The following LBH variants were observed in gnomAD, a reference collection of about 807,000 sequenced individuals.
LBH encodes the protein LBH regulator of Wnt signaling pathway, also known as protein LBH.
In LBH, 7 loss-of-function variants were observed where a neutral mutation model predicts 12.5. The ratio of observed to expected loss-of-function variants is 0.56; its 90% CI spans 0.32 to 1.05. LBH has a LOEUF of 1.05. Ranked by LOEUF, LBH falls within the 50% of genes least tolerant of loss-of-function variation. LBH has a pLI of 0.04. For missense variants in LBH, 119 were observed against 138.9 expected, an observed-to-expected ratio of 0.86 and a Z score of 0.72; for synonymous variants, 51 against 50.1, an observed-to-expected ratio of 1.02 and a Z score of -0.08.
At chr2:30,257,308 A>T in intron 2 of LBH, 125 bp from the exon 3 acceptor site, 1 of 1,003,676 alleles carries the variant, frequency 1.0e-6, no homozygotes, top group Non-Finnish European at 1.5e-6. Flanking sequence ...CAGCCTCCCG[A>T]GTGCAAAGCA....
At chr2:30,237,348 C>T (rs540988043) in intron 2 of LBH, among the ~76,000 whole-genome samples, 3 of 152,322 alleles carry the variant, frequency 2.0e-5, no homozygotes, top group South Asian at 2.1e-4. Flanking sequence ...GCAGATCTAT[C>T]GAGAGTGAAG....
intron 1 of LBH, among the ~76,000 whole-genome samples, chr2:30,233,387 A>G (rs554838018): frequency 2.6e-4 from 40 of 152,202 alleles, no homozygotes; most frequent in Non-Finnish European, 5.6e-4. Context: ...TTCTAAATCC[A>G]GTGTCATTTC....
At position 30,234,402 on chromosome 2, in the gene LBH, C is replaced by A. The variant is rs1423478421; in HGVS notation, c.27-3C>A. The stretch of plus-strand genomic sequence containing the variant: ...TTGACTTTTGGTCTGGGTTTCTTGG[C>A]AGCCCCGACTATCTGAGATCGGCCA... On this transcript the variant is annotated splice_polypyrimidine_tract_variant and splice_region_variant and intron_variant, in intron 1 of 2. Transcript: ENST00000395323. The A allele has an allele frequency of 1.2e-6, 2 of 1,613,240 alleles. No homozygotes were observed. Among genetic ancestry groups the A allele is most frequent in the Admixed American group, 3.3e-5 (2 of 60,008 alleles).
intron 2 of LBH, among the ~76,000 whole-genome samples, chr2:30,246,799 C>T (rs77558821): frequency 1.6e-5 from 2 of 127,036 alleles, no homozygotes; most frequent in Non-Finnish European, 3.7e-5. Flanking sequence ...TTTCCTTCCT[C>T]ACTCACTCCC....
intron 2 of LBH, among the ~76,000 whole-genome samples, chr2:30,255,715 A>G (rs1341823258): frequency 2.0e-5 from 3 of 152,118 alleles, no homozygotes; most frequent in African/African-American, 7.2e-5. Context: ...GTATCCTCAG[A>G]GCACCACAGA....
At position 30,231,717 on chromosome 2, in the gene LBH, T is replaced by G. The variant is rs1324958796; in HGVS notation, c.-22T>G. 6.3e-7 allele frequency: 1 copy of G among 1,588,446 alleles called. No homozygotes were observed. Among genetic ancestry groups the G allele is most frequent in the Non-Finnish European group, 8.6e-7 (1 of 1,166,952 alleles). ...ACCGTTTTTAAATCACAGGGGCGTG[T>G]GTCAGCCTGCCCTAGGACTTCATGT... On this transcript the variant is annotated 5_prime_UTR_variant, in exon 1 of 3. Transcript: ENST00000395323.
At chr2:30,237,525 C>T (rs1478046681) in intron 2 of LBH, among the ~76,000 whole-genome samples, 6 of 152,174 alleles carry the variant, frequency 3.9e-5, no homozygotes, top group Admixed American at 3.9e-4. Flanking sequence ...CCTGCCCCCA[C>T]CCAAGGTGCC....
chr2:30,233,786 T>G (rs896606633), intron 1 of LBH, among the ~76,000 whole-genome samples: 1 of 152,210 alleles, frequency 6.6e-6, no homozygotes, highest in African/African-American at 2.4e-5. Flanking sequence ...CTGCTGTGTC[T>G]GGGGCTAGAG....
At chr2:30,252,835 G>T (rs1572383832) in intron 2 of LBH, among the ~76,000 whole-genome samples, 1 of 152,238 alleles carries the variant, frequency 6.6e-6, no homozygotes, top group African/African-American at 2.4e-5. Flanking sequence ...AGGGAGGAAG[G>T]TGTAGGGCTG....
chr2:30,254,486 CCAT>C (rs1297740009), intron 2 of LBH, among the ~76,000 whole-genome samples: 1 of 152,108 alleles, frequency 6.6e-6, no homozygotes, highest in Non-Finnish European at 1.5e-5. Flanking sequence ...AAAATTTCAT[CCAT>C]CATCATCATC....
intron 1 of LBH, 149 bp downstream of exon 1, chr2:30,231,913 C>A (rs535718544): frequency 1.9e-6 from 1 of 538,718 alleles, no homozygotes; most frequent in Non-Finnish European, 2.8e-6. Context: ...CAGGAGTCAA[C>A]GTCAAGGTTG....
At chr2:30,241,625 A>G (rs1202425612) in intron 2 of LBH, among the ~76,000 whole-genome samples, 1 of 151,622 alleles carries the variant, frequency 6.6e-6, no homozygotes, top group African/African-American at 2.4e-5. Flanking sequence ...ATGCCGGGCT[A>G]ATTTTTGTAT....
chr2:30,235,145 C>A (rs895124447), intron 2 of LBH, among the ~76,000 whole-genome samples: 1 of 152,130 alleles, frequency 6.6e-6, no homozygotes, highest in African/African-American at 2.4e-5. Flanking sequence ...AAAAAGGGAC[C>A]AGAGTGAGCC....
chr2:30,254,744 C>T (rs1678050252), intron 2 of LBH, among the ~76,000 whole-genome samples: 1 of 152,184 alleles, frequency 6.6e-6, no homozygotes, highest in Non-Finnish European at 1.5e-5. Flanking sequence ...GGCCCTGGCA[C>T]AGGTAGGCAC....
At chr2:30,243,135 T>C (rs1227441180) in intron 2 of LBH, among the ~76,000 whole-genome samples, 2 of 152,236 alleles carry the variant, frequency 1.3e-5, no homozygotes, top group Non-Finnish European at 2.9e-5. Flanking sequence ...TTAGGAGATA[T>C]TGTACATCTT....
Position 30,234,470 on chromosome 2 carries a change from T to C in LBH, c.92T>C (p.Ile31Thr). Residue 31 changes from isoleucine to threonine, a missense_variant, in exon 2 of 3, where the codon ATC (isoleucine) becomes ACC (threonine). Physicochemically the swap from Ile to Thr is moderately conservative, Grantham distance 89. Coordinates refer to ENST00000395323, the MANE Select transcript of LBH (RefSeq NM_030915.4). ...ATGAACACCCAGCCCATGGAGGAGA[T>C]CGGCCTCAGCCCCCGCAAGGATGGC... is the stretch of plus-strand genomic sequence containing the variant. ...VMMNTQPMEE[I>T]GLSPRKDGLS... 6.2e-7 allele frequency: 1 copy of C among 1,614,006 alleles called. No homozygotes were observed. Among genetic ancestry groups the C allele is most frequent in the Non-Finnish European group, 8.5e-7 (1 of 1,179,950 alleles).
chr2:30,232,097 G>A (rs1418833650), intron 1 of LBH: 15 of 1,536,374 alleles, frequency 9.8e-6, no homozygotes, highest in Non-Finnish European at 1.2e-5. Context: ...CAGGAGGCGC[G>A]CGCCCCACTT....
intron 2 of LBH, among the ~76,000 whole-genome samples, chr2:30,251,050 ATTTTTTTTTTTTT>A (rs372791263): frequency 2.4e-5 from 3 of 122,528 alleles, no homozygotes; most frequent in East Asian, 4.3e-4. Context: ...TGTCAGTAGA[ATTTTTTTTTTTTT>A]TTTTTTTTTG....
At chr2:30,237,186 C>G (rs917737240) in intron 2 of LBH, among the ~76,000 whole-genome samples, 4 of 152,212 alleles carry the variant, frequency 2.6e-5, no homozygotes, top group African/African-American at 7.2e-5. Flanking sequence ...GTGGCTTTTA[C>G]TGAGACCTGC....
Sources: gnomAD v4.1 joint callset for allele counts (sites outside exome capture counted in the v4.1 genomes callset) on GRCh38, gnomAD v4.1.1 for gene constraint, MANE v1.5 for transcripts, NCBI Gene and HGNC (gene_info 2026-07-23, HGNC 2026-07-21) for gene names.